Variants in TBL1X observed in about 807,000 individuals in gnomAD.
TBL1X encodes F-box-like/WD repeat-containing protein TBL1X.
A neutral mutation model predicts 50.7 loss-of-function variants in TBL1X; 10 were observed. The observed-to-expected ratio is 0.20, with a 90% CI of 0.12 to 0.33. The LOEUF (loss-of-function observed/expected upper bound fraction) is 0.33, where lower values mean the gene tolerates loss of function less well. Among genes scored for constraint, TBL1X ranks in the 10% least tolerant of loss-of-function variants. The pLI, the probability that TBL1X is intolerant of heterozygous loss-of-function variation, is 1.00. For missense variants in TBL1X, 340 were observed against 504.4 expected, an observed-to-expected ratio of 0.67 and a Z score of 3.12; for synonymous variants, 190 against 214.7, an observed-to-expected ratio of 0.88 and a Z score of 1.01.
intron 11 of TBL1X, 69 bp downstream of exon 11, chrX:9,693,488 A>T: frequency 9.8e-7 from 1 of 1,016,850 alleles, no homozygotes. Context: ...TCAAAATAAC[A>T]TCGTGGTTTC....
intron 13 of TBL1X, among the ~76,000 whole-genome samples, chrX:9,707,602 G>T (rs1053786464): frequency 2.7e-5 from 3 of 112,615 alleles, no homozygotes; most frequent in African/African-American, 9.7e-5. Flanking sequence ...CTCCCAGGAA[G>T]TTATTTGTTC....
chrX:9,654,700 C>T (rs1426856631), intron 5 of TBL1X, among the ~76,000 whole-genome samples: 1 of 111,595 alleles, frequency 9.0e-6, no homozygotes, highest in Non-Finnish European at 1.9e-5. Context: ...CCAGCCTCCC[C>T]TACTCCCCGC....
At chrX:9,603,600 A>G (rs2082567648) in intron 2 of TBL1X, among the ~76,000 whole-genome samples, 1 of 111,879 alleles carries the variant, frequency 8.9e-6, no homozygotes, top group Non-Finnish European at 1.9e-5. Flanking sequence ...ACCCAGGACT[A>G]GAGCTCAGTA....
chrX:9,609,684 G>A (rs757588338), intron 2 of TBL1X, among the ~76,000 whole-genome samples: 5 of 110,960 alleles, frequency 4.5e-5, no homozygotes, highest in Non-Finnish European at 9.4e-5. Context: ...GAGGCTGTGC[G>A]GGTTGCGTGG....
chrX:9,615,369 T>A (rs1033158534), intron 2 of TBL1X, among the ~76,000 whole-genome samples: 9 of 111,801 alleles, frequency 8.1e-5, no homozygotes, highest in Non-Finnish European at 1.5e-4. Flanking sequence ...TAAAATTCAG[T>A]ATTTCATTCT....
intron 2 of TBL1X, among the ~76,000 whole-genome samples, chrX:9,611,518 G>A (rs17255125): frequency 8.9e-6 from 1 of 112,055 alleles, no homozygotes; most frequent in African/African-American, 3.2e-5. Context: ...TCTGTAGGCG[G>A]GGATTCCCCA....
intron 1 of TBL1X, among the ~76,000 whole-genome samples, chrX:9,489,221 G>A (rs1601710175): frequency 9.1e-6 from 1 of 110,182 alleles, no homozygotes; most frequent in African/African-American, 3.3e-5. Context: ...GGTAGCGGGT[G>A]GGGCCTGGCT....
chrX:9,695,084 T>C (rs1328344799), intron 11 of TBL1X, among the ~76,000 whole-genome samples: 1 of 112,724 alleles, frequency 8.9e-6, no homozygotes, highest in Non-Finnish European at 1.9e-5. Context: ...GTGGCCCACA[T>C]AGGCCAAGTC....
intron 2 of TBL1X, among the ~76,000 whole-genome samples, chrX:9,585,170 A>G (rs1436967591): frequency 2.7e-5 from 3 of 111,290 alleles, no homozygotes; most frequent in Non-Finnish European, 5.7e-5. Context: ...TCAGACACCA[A>G]CGCAAGCACA....
At chrX:9,696,816 G>A (rs772353579) in intron 11 of TBL1X, among the ~76,000 whole-genome samples, 33 of 112,866 alleles carry the variant, frequency 2.9e-4, no homozygotes, top group African/African-American at 1.0e-3. Context: ...GTTCTTGCAA[G>A]TATTGGTTAG....
At chrX:9,481,576 G>T (rs2081882732) in intron 1 of TBL1X, among the ~76,000 whole-genome samples, 2 of 112,198 alleles carry the variant, frequency 1.8e-5, no homozygotes, top group Admixed American at 9.5e-5. Flanking sequence ...GATTGGAATG[G>T]CATACTTTCA....
intron 3 of TBL1X, among the ~76,000 whole-genome samples, chrX:9,646,849 C>T (rs187040097): frequency 8.9e-6 from 1 of 112,225 alleles, no homozygotes; most frequent in East Asian, 2.8e-4. Context: ...GAGCTCTGTG[C>T]GCTGCCCTTC....
intron 1 of TBL1X, among the ~76,000 whole-genome samples, chrX:9,478,032 C>T (rs527366259): frequency 1.8e-4 from 20 of 111,842 alleles, no homozygotes; most frequent in Middle Eastern, 4.7e-3. Context: ...AGGGGAAAGA[C>T]GGCAAGTATA....
At chrX:9,708,899 A>G (rs1428395514) in intron 13 of TBL1X, among the ~76,000 whole-genome samples, 2 of 111,621 alleles carry the variant, frequency 1.8e-5, no homozygotes, top group Admixed American at 9.5e-5. Context: ...AGTGATTTTC[A>G]AAGGCCAATT....
At chrX:9,687,203 C>T (rs988506705) in intron 6 of TBL1X, among the ~76,000 whole-genome samples, 2 of 108,821 alleles carry the variant, frequency 1.8e-5, no homozygotes, top group African/African-American at 6.6e-5. Context: ...CCATGGTAAA[C>T]GGAAATCAGA....
At chrX:9,484,916 T>TA (rs760004328) in intron 1 of TBL1X, among the ~76,000 whole-genome samples, 2,615 of 41,240 alleles carry the variant, frequency 0.063, 191 homozygotes, top group African/African-American at 0.19. Flanking sequence ...ACCCTGGCAC[T>TA]AAAAAAAAAA....
intron 2 of TBL1X, among the ~76,000 whole-genome samples, chrX:9,513,094 C>T (rs1217635831): frequency 9.0e-6 from 1 of 110,850 alleles, no homozygotes; most frequent in Non-Finnish European, 1.9e-5. Context: ...AGGAAGCCCC[C>T]AGAGTCTCGG....
intron 2 of TBL1X, among the ~76,000 whole-genome samples, chrX:9,531,451 T>A (rs187373328): frequency 6.6e-5 from 7 of 106,402 alleles, no homozygotes; most frequent in African/African-American, 2.4e-4. Flanking sequence ...TCATAAATAT[T>A]TCTTGGTTGA....
chrX:9,699,413 G>C, intron 12 of TBL1X, among the ~76,000 whole-genome samples: 1 of 111,978 alleles, frequency 8.9e-6, no homozygotes, highest in Admixed American at 9.4e-5. Context: ...CTTCCCTTAA[G>C]GGCAAATGTC....
Sources: gnomAD v4.1 joint callset for allele counts (sites outside exome capture counted in the v4.1 genomes callset) on GRCh38, gnomAD v4.1.1 for gene constraint, MANE v1.5 for transcripts, NCBI Gene and HGNC (gene_info 2026-07-23, HGNC 2026-07-21) for gene names.